The following PSKH2 variants were observed in gnomAD, a reference collection of about 807,000 sequenced individuals.
The protein encoded by PSKH2 is protein serine kinase H2.
In PSKH2, 16 loss-of-function variants were observed where a neutral mutation model predicts 22.5. That is an observed-to-expected ratio of 0.71 (90% CI 0.48 to 1.08). The LOEUF is 1.08. PSKH2 is among the 50% of genes least tolerant of loss of function. PSKH2 has a pLI of 0.00. For missense variants in PSKH2, 516 were observed against 492.8 expected, an observed-to-expected ratio of 1.05 and a Z score of -0.44; for synonymous variants, 188 against 184.8, an observed-to-expected ratio of 1.02 and a Z score of -0.14.
intron 1 of PSKH2, chr8:86,066,488 C>G (rs1394201630): frequency 6.6e-6 from 1 of 152,144 alleles, no homozygotes; most frequent in Admixed American, 6.6e-5. Context: ...CAGGTATGAG[C>G]CACTGTGCCT....
At chr8:86,066,830 T>A (rs1271656957) in intron 1 of PSKH2, among the ~76,000 whole-genome samples, 1 of 152,202 alleles carries the variant, frequency 6.6e-6, no homozygotes, top group Non-Finnish European at 1.5e-5. Flanking sequence ...AGATAGCAAT[T>A]TAGTAATCTT....
chr8:86,068,877 G>A (rs1232964886), intron 1 of PSKH2, among the ~76,000 whole-genome samples: 1 of 151,112 alleles, frequency 6.6e-6, no homozygotes, highest in African/African-American at 2.4e-5. Flanking sequence ...TCCCTTGTTT[G>A]CTGCTGCTCC....
chr8:86,063,032 T>C (rs1481683621), intron 2 of PSKH2, among the ~76,000 whole-genome samples: 1 of 152,248 alleles, frequency 6.6e-6, no homozygotes, highest in African/African-American at 2.4e-5. Flanking sequence ...TGGTATTGCA[T>C]TGTCTGTGAA....
chr8:86,056,320 A>G (rs1817697721), intron 2 of PSKH2, among the ~76,000 whole-genome samples: 1 of 152,100 alleles, frequency 6.6e-6, no homozygotes, highest in South Asian at 2.1e-4. Flanking sequence ...AATGTTTTTA[A>G]TATCAGTGTC....
intron 2 of PSKH2, among the ~76,000 whole-genome samples, chr8:86,049,750 C>CGAAAGAAAGAAAGAAA (rs141430833): frequency 1.5e-5 from 1 of 67,114 alleles, no homozygotes; most frequent in Non-Finnish European, 2.9e-5. Context: ...AAGAAAGAAA[C>CGAAAGAAAGAAAGAAA]GAAAGAAAGA....
At chr8:86,056,063 A>C (rs1384912746) in intron 2 of PSKH2, among the ~76,000 whole-genome samples, 3 of 151,978 alleles carry the variant, frequency 2.0e-5, no homozygotes, top group African/African-American at 7.3e-5. Flanking sequence ...CCAAGGTAGA[A>C]GGATCACTTG....
Position 86,048,772 on chromosome 8 carries a change from G to A in PSKH2, c.853-5C>T, listed in dbSNP as rs549118608. 10 of 1,583,602 alleles carry A rather than the reference G, an allele frequency of 6.3e-6. No individual in the cohort carries two copies. The highest frequency in any genetic ancestry group is 4.5e-5 in the East Asian group (2 of 44,372). ...GTGGGAAATGCTTGGCCAAGGCTGA[G>A]AATAAAAATAAATAAGTTAGAATAA... is the stretch of plus-strand genomic sequence containing the variant. On this transcript the variant is annotated splice_region_variant and splice_polypyrimidine_tract_variant and intron_variant, in intron 2 of 2. Transcript: ENST00000276616.
At chr8:86,051,320 T>G (rs1167396844) in intron 2 of PSKH2, among the ~76,000 whole-genome samples, 1 of 152,030 alleles carries the variant, frequency 6.6e-6, no homozygotes, top group African/African-American at 2.4e-5. Flanking sequence ...ACTCCTAACC[T>G]CAGGTGATCC....
intron 1 of PSKH2, 50 bp downstream of exon 1, chr8:86,069,388 T>G (rs1342313824): frequency 1.4e-6 from 2 of 1,469,594 alleles, no homozygotes; most frequent in Non-Finnish European, 9.0e-7. Flanking sequence ...TGGCCAGGGG[T>G]TTTTCTTTGT....
Position 86,047,115 on chromosome 8 carries a change from T to C in PSKH2, c.*1347A>G, listed in dbSNP as rs547839694. On this transcript the variant is annotated 3_prime_UTR_variant, in exon 3 of 3. Coordinates refer to ENST00000276616, the MANE Select transcript of PSKH2 (RefSeq NM_033126.3). ...AAATTCTTTGCCTTTTAAATTTTCA[T>C]TTTCTTTGTCATTTTTATTTTCATT... 6.6e-6 allele frequency among the ~76,000 whole-genome samples: 1 copy of C among 152,344 alleles called. No homozygotes were observed. The highest frequency in any genetic ancestry group is 2.1e-4 in the South Asian group (1 of 4,832).
intron 2 of PSKH2, among the ~76,000 whole-genome samples, chr8:86,057,614 T>C (rs1817719987): frequency 6.6e-6 from 1 of 152,134 alleles, no homozygotes. Context: ...CTCGATCTCT[T>C]GGCCTTATGA....
intron 1 of PSKH2, among the ~76,000 whole-genome samples, chr8:86,068,042 C>G (rs759415862): frequency 6.6e-6 from 1 of 152,230 alleles, no homozygotes; most frequent in Non-Finnish European, 1.5e-5. Flanking sequence ...CTAGCATCAT[C>G]TCTCTGACTA....
At chr8:86,060,034 T>C (rs1406113429) in intron 2 of PSKH2, among the ~76,000 whole-genome samples, 1 of 152,146 alleles carries the variant, frequency 6.6e-6, no homozygotes, top group Non-Finnish European at 1.5e-5. Context: ...TCATAGAAAA[T>C]ATCTGACAGT....
chr8:86,065,831 A>G (rs2130171068), intron 1 of PSKH2, among the ~76,000 whole-genome samples: 1 of 152,090 alleles, frequency 6.6e-6, no homozygotes, highest in East Asian at 1.9e-4. Flanking sequence ...AAATTAGCCA[A>G]TCATGATGCA....
chr8:86,059,979 T>A (rs1257430999), intron 2 of PSKH2, among the ~76,000 whole-genome samples: 1 of 152,216 alleles, frequency 6.6e-6, no homozygotes, highest in African/African-American at 2.4e-5. Flanking sequence ...ACAGGATTTC[T>A]CTGAGACCCA....
rs36074412 is a variant in PSKH2 at position 86,064,186 on chromosome 8, C to T, written c.631G>A (p.Gly211Arg). The part of the protein sequence containing the change: ...LITDFGLAYS[G>R]KKSGDWTMKT... ...ATTGTCCAGTCACCACTTTTTTTCC[C>T]GGAGTATGCCAAACCAAAATCTGTA... Residue 211 changes from glycine (G) to arginine (R), a missense_variant, in exon 2 of 3, where the codon GGG becomes AGG. Transcript: ENST00000276616. 1,486 of 1,613,790 alleles carry T rather than the reference C, an allele frequency of 9.2e-4. 9 individuals are homozygous for T. The Middle Eastern group carries it at 0.011, about 12-fold the overall frequency.
At chr8:86,068,064 AGATGCC>A (rs377528997) in intron 1 of PSKH2, among the ~76,000 whole-genome samples, 13 of 152,224 alleles carry the variant, frequency 8.5e-5, no homozygotes, top group Non-Finnish European at 1.9e-4. Flanking sequence ...AAATGACCAG[AGATGCC>A]ATTTAACCAA....
At chr8:86,057,607 G>A (rs775800615) in intron 2 of PSKH2, among the ~76,000 whole-genome samples, 17 of 151,936 alleles carry the variant, frequency 1.1e-4, no homozygotes, top group Non-Finnish European at 1.8e-4. Flanking sequence ...GGATGGTCTC[G>A]ATCTCTTGGC....
chr8:86,049,733 AGAAAGAAAGAAAGAAAC>A (rs763720171), intron 2 of PSKH2, among the ~76,000 whole-genome samples: 4,931 of 50,348 alleles, frequency 0.098, 472 homozygotes, highest in East Asian at 0.13. Flanking sequence ...AAAGAAAGAA[AGAAAGAAAGAAAGAAAC>A]GAAAGAAAGA....
Sources: allele counts gnomAD v4.1 joint callset (sites outside exome capture counted in the v4.1 genomes callset), GRCh38; gene constraint gnomAD v4.1.1; transcripts MANE v1.5; gene names NCBI Gene and HGNC (gene_info 2026-07-23, HGNC 2026-07-21).